The following CCL28 variants were observed in gnomAD, a reference collection of about 807,000 sequenced individuals.
CCL28 encodes the protein C-C motif chemokine 28.
Under a neutral mutation model 7.1 loss-of-function variants are expected in CCL28, and 4 were observed. The ratio of observed to expected loss-of-function variants is 0.56; its 90% CI spans 0.28 to 1.29. The LOEUF is 1.29. Among genes scored for constraint, CCL28 ranks in the 50% most tolerant of loss-of-function variants. The probability of loss-of-function intolerance (pLI) is 0.11; values close to 1 mark genes in which losing one functional copy is unlikely to be tolerated. For missense variants in CCL28, 151 were observed against 163.4 expected, an observed-to-expected ratio of 0.92 and a Z score of 0.41; for synonymous variants, 55 against 57.8, an observed-to-expected ratio of 0.95 and a Z score of 0.22.
chr5:43,384,336 C>G (rs1318206678), intron 2 of CCL28, among the ~76,000 whole-genome samples: 1 of 152,140 alleles, frequency 6.6e-6, no homozygotes, highest in Admixed American at 6.5e-5. Context: ...GCTGGTGAGG[C>G]AACCTCTCAA....
the CCL28 span, among the ~76,000 whole-genome samples, chr5:43,359,115 G>A: frequency 3.3e-5 from 5 of 152,302 alleles, 1 homozygote; most frequent in South Asian, 4.1e-4. Context: ...TAAAATGTAG[G>A]TATAGCTAAA....
chr5:43,386,270 A>G (rs1351973142), intron 2 of CCL28, among the ~76,000 whole-genome samples: 1 of 152,228 alleles, frequency 6.6e-6, no homozygotes, highest in African/African-American at 2.4e-5. Context: ...TATTACCAAC[A>G]ATATTCTTTA....
intron 1 of CCL28, among the ~76,000 whole-genome samples, chr5:43,407,279 T>TA (rs1741323100): frequency 6.6e-6 from 1 of 152,178 alleles, no homozygotes; most frequent in African/African-American, 2.4e-5. Flanking sequence ...AGCATGGTAC[T>TA]AGTACCAAAA....
downstream of CCL28, among the ~76,000 whole-genome samples, chr5:43,377,772 G>T (rs1283738231): frequency 2.8e-5 from 3 of 107,306 alleles, no homozygotes; most frequent in Non-Finnish European, 5.1e-5. Context: ...TCGCTCTGTC[G>T]CCCAGGCTGG....
chr5:43,372,749 T>G (rs1014006762), downstream of CCL28, among the ~76,000 whole-genome samples: 3 of 152,040 alleles, frequency 2.0e-5, no homozygotes, highest in Non-Finnish European at 4.4e-5. Context: ...AGTTTCCAGT[T>G]TGGGGGCTGC....
At chr5:43,397,474 C>G (rs1740860864) in intron 1 of CCL28, among the ~76,000 whole-genome samples, 1 of 151,944 alleles carries the variant, frequency 6.6e-6, no homozygotes, top group Non-Finnish European at 1.5e-5. Flanking sequence ...TTCAGACGCC[C>G]AAGTACCCTC....
At chr5:43,398,616 C>T (rs575690295) in intron 1 of CCL28, among the ~76,000 whole-genome samples, 132 of 152,198 alleles carry the variant, frequency 8.7e-4, no homozygotes, top group African/African-American at 2.8e-3. Context: ...TTTGGGAGGC[C>T]AAGGCAGGAG....
intron 1 of CCL28, among the ~76,000 whole-genome samples, chr5:43,394,322 T>G (rs1227445277): frequency 6.6e-6 from 1 of 152,226 alleles, no homozygotes; most frequent in Non-Finnish European, 1.5e-5. Context: ...CTTTACCTTT[T>G]AGATAAATTT....
At chr5:43,399,474 G>A (rs1284472113) in intron 1 of CCL28, among the ~76,000 whole-genome samples, 1 of 152,102 alleles carries the variant, frequency 6.6e-6, no homozygotes, top group Non-Finnish European at 1.5e-5. Flanking sequence ...TTGACTGTAA[G>A]CTCCCACAGG....
downstream of CCL28, among the ~76,000 whole-genome samples, chr5:43,373,461 C>A (rs377349899): frequency 1.3e-5 from 2 of 151,982 alleles, no homozygotes; most frequent in African/African-American, 4.8e-5. Flanking sequence ...CCACCACGCC[C>A]GGCTAATTTT....
chr5:43,363,626 GC>G, the CCL28 span, among the ~76,000 whole-genome samples: 1 of 152,216 alleles, frequency 6.6e-6, no homozygotes, highest in Non-Finnish European at 1.5e-5. Context: ...GAATGCACTT[GC>G]CCTTCAGGTG....
intron 1 of CCL28, among the ~76,000 whole-genome samples, chr5:43,411,266 G>A: frequency 6.6e-6 from 1 of 152,182 alleles, no homozygotes; most frequent in Non-Finnish European, 1.5e-5. Context: ...ATCTGTTCAG[G>A]ATAAAGCTTA....
At chr5:43,360,447 A>T in the CCL28 span, among the ~76,000 whole-genome samples, 8 of 152,094 alleles carry the variant, frequency 5.3e-5, no homozygotes, top group South Asian at 1.7e-3. Flanking sequence ...GGTAGGCCCC[A>T]TGTCTGTTGT....
downstream of CCL28, among the ~76,000 whole-genome samples, chr5:43,378,429 T>C (rs930614661): frequency 2.0e-5 from 3 of 152,084 alleles, no homozygotes; most frequent in Admixed American, 1.3e-4. Context: ...GTTATTTTTA[T>C]TATAAATTCT....
chr5:43,385,050 C>G (rs902300569), intron 2 of CCL28, among the ~76,000 whole-genome samples: 16 of 152,178 alleles, frequency 1.1e-4, no homozygotes, highest in Non-Finnish European at 2.4e-4. Context: ...GTGCCTGCCA[C>G]CATGCCCGGC....
At chr5:43,402,872 C>T (rs891897676) in intron 1 of CCL28, among the ~76,000 whole-genome samples, 1 of 152,256 alleles carries the variant, frequency 6.6e-6, no homozygotes, top group Non-Finnish European at 1.5e-5. Flanking sequence ...TATCCCATGC[C>T]TGGCTTGGAG....
At chr5:43,394,028 T>C (rs982352074) in intron 1 of CCL28, among the ~76,000 whole-genome samples, 7 of 152,232 alleles carry the variant, frequency 4.6e-5, no homozygotes, top group Non-Finnish European at 7.3e-5. Flanking sequence ...TACTTTTTTT[T>C]CTCTTCTGTA....
At chr5:43,365,280 G>A in the CCL28 span, among the ~76,000 whole-genome samples, 1 of 152,164 alleles carries the variant, frequency 6.6e-6, no homozygotes, top group African/African-American at 2.4e-5. Context: ...TGGGTTTACA[G>A]GCATGAGCCA....
At chr5:43,379,009 A>G (rs1441989197), downstream of CCL28, among the ~76,000 whole-genome samples, 1 of 152,146 alleles carries the variant, frequency 6.6e-6, no homozygotes, top group Non-Finnish European at 1.5e-5. Context: ...TTTCCCAGGC[A>G]CACTATCTTC....
Sources: gnomAD v4.1 joint callset for allele counts (sites outside exome capture counted in the v4.1 genomes callset) on GRCh38, gnomAD v4.1.1 for gene constraint, MANE v1.5 for transcripts, NCBI Gene and HGNC (gene_info 2026-07-23, HGNC 2026-07-21) for gene names.